Variants in NAV3 observed in about 807,000 individuals in gnomAD.
NAV3 encodes pore membrane and/or filament interacting like protein 1.
In NAV3, 87 loss-of-function variants were observed where a neutral mutation model predicts 244.7. That is an observed-to-expected ratio of 0.36 (90% CI 0.30 to 0.42). NAV3 has a LOEUF of 0.42. Ranked by LOEUF, NAV3 falls within the 20% of genes least tolerant of loss-of-function variation. The probability of loss-of-function intolerance (pLI) is 1.00; values close to 1 mark genes in which losing one functional copy is unlikely to be tolerated. For synonymous variants in NAV3, 1,126 were observed against 1,042.2 expected (o/e 1.08, Z -1.55); for missense variants, 2,663 against 2,893.3 (o/e 0.92, Z 1.83).
At chr12:77,617,632 C>T (rs1871193705) in intron 2 of NAV3, among the ~76,000 whole-genome samples, 1 of 152,152 alleles carries the variant, frequency 6.6e-6, no homozygotes, top group Non-Finnish European at 1.5e-5. Flanking sequence ...GAGGGATCCT[C>T]CAATCCACTT....
At chr12:77,713,850 G>A (rs761696719) in intron 2 of NAV3, among the ~76,000 whole-genome samples, 8 of 151,978 alleles carry the variant, frequency 5.3e-5, no homozygotes, top group Non-Finnish European at 1.2e-4. Context: ...GTTATTGTGG[G>A]CTAGGTAATT....
At chr12:78,091,459 A>G (rs1401626627) in intron 12 of NAV3, 2 of 152,226 alleles carry the variant, frequency 1.3e-5, no homozygotes, top group Non-Finnish European at 2.9e-5. Context: ...AATTTAATTC[A>G]AAACAAATGT....
intron 1 of NAV3, among the ~76,000 whole-genome samples, chr12:77,907,775 C>G (rs190410560): frequency 1.1e-4 from 17 of 152,180 alleles, no homozygotes; most frequent in African/African-American, 4.1e-4. Context: ...AGACTAAACA[C>G]CTAAGAGCAA....
chr12:77,730,185 C>A lies in NAV3; in HGVS notation c.72+157919C>A, dbSNP rs866762132. On this transcript the variant is annotated intron_variant, in intron 2 of 8. Transcript: ENST00000550042. ...TTTGAGAAATTCCTTTAATGTAAGA[C>A]AAAGGAAAATGGGAAAATCAGGAAT... is the stretch of plus-strand genomic sequence containing the variant. Among the ~76,000 whole-genome samples the A allele has an allele frequency of 4.6e-5, 7 of 151,616 alleles. No homozygotes were observed. In the Middle Eastern group the frequency reaches 0.01, roughly 221 times the overall value.
At chr12:77,711,304 C>T (rs1876102429) in intron 2 of NAV3, among the ~76,000 whole-genome samples, 1 of 152,158 alleles carries the variant, frequency 6.6e-6, no homozygotes, top group South Asian at 2.1e-4. Flanking sequence ...GAAGTGGAGG[C>T]TTTTTCTGCT....
chr12:78,140,247 T>A (rs1490852384), intron 19 of NAV3, 35 bp from the exon 20 acceptor site: 2 of 1,592,854 alleles, frequency 1.3e-6, no homozygotes, highest in Admixed American at 1.7e-5. Flanking sequence ...TAGACCTTAT[T>A]GTTTTAACTC....
chr12:78,088,332 C>G (rs1404175866), intron 12 of NAV3, among the ~76,000 whole-genome samples: 1 of 151,952 alleles, frequency 6.6e-6, no homozygotes, highest in Non-Finnish European at 1.5e-5. Context: ...TCTTTTCCTT[C>G]CAAATATGTT....
chr12:78,001,021 C>T (rs1225666238), intron 7 of NAV3, among the ~76,000 whole-genome samples: 3 of 150,946 alleles, frequency 2.0e-5, no homozygotes, highest in African/African-American at 7.3e-5. Context: ...CCAAATGGTA[C>T]ATTTTTTAAT....
chr12:78,207,568 G>C (rs2140112243), intron 39 of NAV3, among the ~76,000 whole-genome samples: 1 of 152,290 alleles, frequency 6.6e-6, no homozygotes, highest in South Asian at 2.1e-4. Flanking sequence ...GGAGATGCTT[G>C]AGCTGGATCT....
In NAV3 at chr12:77,751,789, C is replaced by G. The variant is rs534801745; in HGVS notation, c.72+179523C>G. ...ATACATTTTGTATTCTTAAATTACA[C>G]AATACAATTTACACATTGTTCAATT... On this transcript the variant is annotated intron_variant, in intron 2 of 8. Transcript: ENST00000550042. Among the ~76,000 whole-genome samples, 9 of 152,254 alleles carry G rather than the reference C, an allele frequency of 5.9e-5. No homozygotes were observed. In the South Asian group the frequency reaches 1.5e-3, roughly 25 times the overall value.
chr12:77,623,211 T>A (rs1283551487), intron 2 of NAV3, among the ~76,000 whole-genome samples: 1 of 152,128 alleles, frequency 6.6e-6, no homozygotes, highest in Non-Finnish European at 1.5e-5. Context: ...TGAAAAAAAA[T>A]TGATTTTTTA....
intron 1 of NAV3, among the ~76,000 whole-genome samples, chr12:77,859,525 GA>G (rs926245831): frequency 2.0e-5 from 3 of 151,588 alleles, no homozygotes; most frequent in African/African-American, 7.3e-5. Context: ...ATGAAAAGAC[GA>G]GTTAGTGGGT....
intron 2 of NAV3, among the ~76,000 whole-genome samples, chr12:77,745,756 G>A (rs370523352): frequency 6.6e-6 from 1 of 151,958 alleles, no homozygotes; most frequent in African/African-American, 2.4e-5. Context: ...TCTCGTTGAG[G>A]TTACATGTGT....
chr12:77,732,956 G>A (rs1358235347), intron 2 of NAV3, among the ~76,000 whole-genome samples: 1 of 152,034 alleles, frequency 6.6e-6, no homozygotes, highest in Non-Finnish European at 1.5e-5. Flanking sequence ...GAAGACATAA[G>A]AGAAACTGGT....
chr12:77,674,694 T>G (rs1487934713), intron 2 of NAV3, among the ~76,000 whole-genome samples: 2 of 152,212 alleles, frequency 1.3e-5, no homozygotes, highest in African/African-American at 4.8e-5. Flanking sequence ...CAGTCTATAC[T>G]CCAATTTTAA....
intron 2 of NAV3, among the ~76,000 whole-genome samples, chr12:77,638,923 T>A (rs929159505): frequency 4.6e-5 from 7 of 152,168 alleles, no homozygotes; most frequent in Admixed American, 4.6e-4. Flanking sequence ...ATGCAGTATT[T>A]ATTTGGAACC....
At chr12:77,743,145 GTAC>G (rs1369048858) in intron 2 of NAV3, among the ~76,000 whole-genome samples, 1 of 151,928 alleles carries the variant, frequency 6.6e-6, no homozygotes. Context: ...AATAAGTATA[GTAC>G]TGTAAATGTA....
chr12:78,022,423 A>G (rs567207893), intron 9 of NAV3, among the ~76,000 whole-genome samples: 1 of 152,278 alleles, frequency 6.6e-6, no homozygotes, highest in East Asian at 1.9e-4. Flanking sequence ...CTAAGCATAT[A>G]TGGAAGGCAT....
At chr12:77,989,379 A>T (rs1261469545) in intron 5 of NAV3, among the ~76,000 whole-genome samples, 1 of 152,188 alleles carries the variant, frequency 6.6e-6, no homozygotes, top group African/African-American at 2.4e-5. Context: ...GGTATTTCAT[A>T]AACATTAGGT....
Sources: gnomAD v4.1 joint callset for allele counts (sites outside exome capture counted in the v4.1 genomes callset) on GRCh38, gnomAD v4.1.1 for gene constraint, MANE v1.5 for transcripts, NCBI Gene and HGNC (gene_info 2026-07-23, HGNC 2026-07-21) for gene names.